The following UBN2 variants were observed in gnomAD, a reference collection of about 807,000 sequenced individuals.
UBN2 encodes the protein ubinuclein-2.
In UBN2, 35 loss-of-function variants were observed where a neutral mutation model predicts 120.2. That is an observed-to-expected ratio of 0.29 (90% CI 0.22 to 0.39). The LOEUF (loss-of-function observed/expected upper bound fraction) is 0.39, where lower values mean the gene tolerates loss of function less well. Ranked by LOEUF, UBN2 falls within the 10% of genes least tolerant of loss-of-function variation. The pLI, the probability that UBN2 is intolerant of heterozygous loss-of-function variation, is 1.00. For synonymous variants in UBN2, 661 were observed against 648.7 expected (o/e 1.02, Z -0.29); for missense variants, 1,693 against 1,663.2 (o/e 1.02, Z -0.31).
intron 15 of UBN2, among the ~76,000 whole-genome samples, chr7:139,288,833 C>T (rs1797861658): frequency 6.6e-6 from 1 of 151,996 alleles, no homozygotes; most frequent in South Asian, 2.1e-4. Context: ...GAAACCCCAT[C>T]TCTACTAAAA....
rs767992833 is a variant in UBN2 at position 139,283,596 on chromosome 7, C to T, written c.2691C>T (p.Val897=). The change falls in exon 15 of 18, where the codon GTC becomes GTT. Residue 897 remains valine (V), a synonymous_variant. Coordinates refer to ENST00000473989, the MANE Select transcript of UBN2 (RefSeq NM_173569.4). The part of the protein sequence containing the change: ...IHTSSSSQTH[V]SSSSQAQIAA... Reference sequence around the variant, plus strand: ...CTTCTTCCTCTTCACAGACCCATGTCTCCTCTTCTTCCCAAGCCCAAATTG... The same window carrying T: ...CTTCTTCCTCTTCACAGACCCATGTTTCCTCTTCTTCCCAAGCCCAAATTG... The T allele has an allele frequency of 3.1e-6, 5 of 1,614,166 alleles. No homozygotes were observed. Among genetic ancestry groups the T allele is most frequent in the Non-Finnish European group, 4.2e-6 (5 of 1,180,022 alleles).
chr7:139,232,136 G>C (rs1796039600), intron 1 of UBN2, among the ~76,000 whole-genome samples, 184 bp downstream of exon 1: 2 of 151,982 alleles, frequency 1.3e-5, no homozygotes, highest in Admixed American at 1.3e-4. Flanking sequence ...ACTCCCCAGG[G>C]TGGCCGAGGC....
rs1798168943 is a variant in UBN2 at position 139,298,363 on chromosome 7, C to T, written c.*527C>T. On this transcript the variant is annotated 3_prime_UTR_variant, in exon 18 of 18. Transcript: ENST00000473989. ...TTCTATCTCCGATAGACAGTAGCTG[C>T]ATAGCACACCCTCGAAAATCCTGAA... is the stretch of plus-strand genomic sequence containing the variant. The T allele has an allele frequency of 6.5e-6, 1 of 152,978 alleles. No homozygotes were observed. The highest frequency in any genetic ancestry group is 2.4e-5 in the African/African-American group (1 of 41,454). 9.5% of individuals were successfully genotyped at this position (152,978 alleles called of 1,614,324 possible). A position where few individuals can be genotyped will look rare whatever the true frequency, so the allele number is the denominator to read the frequency against.
chr7:139,244,536 A>G (rs1170152782), intron 2 of UBN2, among the ~76,000 whole-genome samples: 2 of 152,120 alleles, frequency 1.3e-5, no homozygotes, highest in African/African-American at 4.8e-5. Flanking sequence ...CCTGAGCAAT[A>G]CATGAATATG....
chr7:139,276,296 A>G (rs1158770990), intron 12 of UBN2, 149 bp downstream of exon 12: 7 of 730,064 alleles, frequency 9.6e-6, no homozygotes, highest in Admixed American at 5.3e-5. Flanking sequence ...ACATTTATCT[A>G]TTGAAATAAT....
chr7:139,261,550 A>T lies in UBN2; in HGVS notation c.1204A>T (p.Met402Leu). The stretch of plus-strand genomic sequence containing the variant: ...TCAGGAAGCTGAAAATGCCCTAGAG[A>T]TGCTAGATGATTTTGACTTCGACAG... ...LFQEAENALE[M>L]LDDFDFDRLL... Residue 402 changes from methionine (M) to leucine (L), a missense_variant, in exon 6 of 18, where the codon ATG (methionine) becomes TTG (leucine). Transcript: ENST00000473989. 7 of 1,614,142 alleles carry T rather than the reference A, an allele frequency of 4.3e-6. No homozygotes were observed. The highest frequency in any genetic ancestry group is 5.9e-6 in the Non-Finnish European group (7 of 1,180,042).
chr7:139,321,749 A>G, the UBN2 span, among the ~76,000 whole-genome samples: 1 of 151,864 alleles, frequency 6.6e-6, no homozygotes, highest in Non-Finnish European at 1.5e-5. Flanking sequence ...GGAATCTGTC[A>G]CTCCCAGACT....
rs771170409 is a variant in UBN2, at chr7:139,237,104, A to G, written c.561+7A>G. On this transcript the variant is annotated splice_region_variant and intron_variant, in intron 2 of 17. Coordinates refer to ENST00000473989, the MANE Select transcript of UBN2 (RefSeq NM_173569.4). ...GAAGTTTGAAATGAAATATGTGAGT[A>G]TAATAAACTGATCACTTAGGTAATT... 9.4e-6 allele frequency: 15 copies of G among 1,589,076 alleles called. No individual in the cohort carries two copies. Among genetic ancestry groups the G allele is most frequent in the Admixed American group, 3.4e-5 (2 of 59,204 alleles).
Position 139,262,788 on chromosome 7 carries a change from T to C in UBN2, c.1395+1047T>C, listed in dbSNP as rs1796977939. 1.3e-5 allele frequency among the ~76,000 whole-genome samples: 2 copies of C among 152,112 alleles called. 1 individual carries two copies. The highest frequency in any genetic ancestry group is 4.1e-4 in the South Asian group (2 of 4,836). ...AACATCAATAGAGTTGGTTCTTTTA[T>C]TATTAAACAGCGGGATTCACCTGAC... On this transcript the variant is annotated intron_variant, in intron 6 of 17. Coordinates refer to ENST00000473989, the MANE Select transcript of UBN2 (RefSeq NM_173569.4).
rs1432453132 is a variant in UBN2 at position 139,283,566 on chromosome 7, T to A, written c.2661T>A (p.Ile887=). The change falls in exon 15 of 18, where the codon ATT becomes ATA. Residue 887 remains isoleucine (I), a synonymous_variant. Transcript: ENST00000473989. ...AAGGACTTCAGAGGTCAAGCCAGAT[T>A]CACACTTCTTCCTCTTCACAGACCC... ...LQQGLQRSSQ[I]HTSSSSQTHV... is the part of the protein sequence containing the mutation. The A allele has an allele frequency of 6.2e-7, 1 of 1,614,148 alleles. No individual in the cohort carries two copies. The highest frequency in any genetic ancestry group is 8.5e-7 in the Non-Finnish European group (1 of 1,180,034).
intron 3 of UBN2, among the ~76,000 whole-genome samples, chr7:139,256,192 C>G (rs1796762384): frequency 6.6e-6 from 1 of 152,170 alleles, no homozygotes; most frequent in Non-Finnish European, 1.5e-5. Flanking sequence ...AGAAAACAGA[C>G]TTTGAGCACA....
At chr7:139,315,133 G>A in the UBN2 span, among the ~76,000 whole-genome samples, 2 of 151,762 alleles carry the variant, frequency 1.3e-5, no homozygotes, top group African/African-American at 4.8e-5. Context: ...CCACCACCAC[G>A]CCCGGCTAAT....
Position 139,283,042 on chromosome 7 carries a change from G to T in UBN2, c.2137G>T (p.Asp713Tyr). Residue 713 changes from aspartate (D) to tyrosine (Y), a missense_variant, in exon 15 of 18, where the codon GAC becomes TAC. Around this residue, in one of 5 missense-constraint regions of UBN2, gnomAD observed 837 missense variants for 817.6 expected, o/e 1.02. Transcript: ENST00000473989. Reference sequence around the variant, plus strand: ...ACATTAGGAGTGTAGTCCAAAAAAGGACCAGAAAACTCCAACATCCCTGGT... The same window carrying T: ...ACATTAGGAGTGTAGTCCAAAAAAGTACCAGAAAACTCCAACATCCCTGGT... The part of the protein sequence containing the change: ...TMLKECSPKK[D>Y]QKTPTSLVAS... The T allele has an allele frequency of 6.3e-7, 1 of 1,599,014 alleles. No homozygotes were observed. The highest frequency in any genetic ancestry group is 1.1e-5 in the South Asian group (1 of 88,904).
At position 139,297,641 on chromosome 7, in the gene UBN2, A is replaced by G. The variant is rs572511896; in HGVS notation, c.3995-146A>G. On this transcript the variant is annotated intron_variant, in intron 17 of 17. Transcript: ENST00000473989. ...ATGTTTTATCAACCTCTATAATGCT[A>G]TATGGCATGCAAGATATTAAAAGTG... 72 of 673,944 alleles carry G rather than the reference A, an allele frequency of 1.1e-4. No homozygotes were observed. The Admixed American group carries it at 1.6e-3, about 15-fold the overall frequency. 41.7% of individuals were successfully genotyped at this position (673,944 alleles called of 1,614,324 possible).
At chr7:139,249,842 C>A (rs1252194264) in intron 2 of UBN2, among the ~76,000 whole-genome samples, 1 of 151,724 alleles carries the variant, frequency 6.6e-6, no homozygotes, top group Non-Finnish European at 1.5e-5. Context: ...GGACCACAGG[C>A]AACATGCCAC....
intron 15 of UBN2, among the ~76,000 whole-genome samples, chr7:139,289,210 C>A (rs1262485947): frequency 6.6e-6 from 1 of 152,044 alleles, no homozygotes; most frequent in East Asian, 1.9e-4. Context: ...TGAAAGGTCT[C>A]CATCTTTTAG....
At chr7:139,239,198 A>G (rs1464655881) in intron 2 of UBN2, among the ~76,000 whole-genome samples, 3 of 152,136 alleles carry the variant, frequency 2.0e-5, no homozygotes, top group Non-Finnish European at 4.4e-5. Context: ...ATAGAATTGT[A>G]CACACTTAAG....
chr7:139,279,169 G>C, intron 12 of UBN2, 149 bp from the exon 13 acceptor site: 1 of 624,792 alleles, frequency 1.6e-6, no homozygotes, highest in South Asian at 2.0e-5. Flanking sequence ...TACATACTTC[G>C]TATAAACTGA....
chr7:139,283,452 T>A lies in UBN2; in HGVS notation c.2547T>A (p.His849Gln). The A allele has an allele frequency of 6.2e-7, 1 of 1,614,164 alleles. No homozygotes were observed. The highest frequency in any genetic ancestry group is 8.5e-7 in the Non-Finnish European group (1 of 1,180,026). The change falls in exon 15 of 18, where the codon CAT becomes CAA. Residue 849 changes from histidine to glutamine, a missense_variant. This residue lies in a region of UBN2 where 837 missense variants were observed against 817.6 expected (regional missense o/e 1.02). Transcript: ENST00000473989. The part of the protein sequence containing the change: ...PVPKKPQDLA[H>Q]TGISSGLIAG... ...CAAAGAAACCCCAGGATTTAGCTCA[T>A]ACTGGCATCTCTTCAGGCCTTATTG... is the stretch of plus-strand genomic sequence containing the variant.
Sources: gnomAD v4.1 joint callset for allele counts (sites outside exome capture counted in the v4.1 genomes callset) on GRCh38, gnomAD v4.1.1 for gene constraint, gnomAD v4.1.1 regional missense constraint, MANE v1.5 for transcripts, NCBI Gene and HGNC (gene_info 2026-07-23, HGNC 2026-07-21) for gene names.